SPEF2: variants seen among roughly 807,000 people sequenced by gnomAD.
The protein encoded by SPEF2 is sperm flagella and cilia-associated protein 2.
A neutral mutation model predicts 224.6 loss-of-function variants in SPEF2; 187 were observed. The ratio of observed to expected loss-of-function variants is 0.83; its 90% confidence interval spans 0.74 to 0.94. SPEF2 has a LOEUF of 0.94. SPEF2 is among the 40% of genes least tolerant of loss of function. The pLI is 0.00. For synonymous variants in SPEF2, 715 were observed against 707.3 expected (o/e 1.01, Z -0.17); for missense variants, 2,170 against 2,135.6 (o/e 1.02, Z -0.32).
intron 10 of SPEF2, among the ~76,000 whole-genome samples, chr5:35,681,199 C>T (rs1197390656): frequency 1.3e-5 from 2 of 152,172 alleles, no homozygotes; most frequent in East Asian, 3.9e-4. Flanking sequence ...TAGAGATTCA[C>T]ATTATAAAAA....
intron 10 of SPEF2, among the ~76,000 whole-genome samples, chr5:35,673,358 C>T (rs1399139813): frequency 6.6e-6 from 1 of 152,186 alleles, no homozygotes; most frequent in African/African-American, 2.4e-5. Context: ...GTCTTACTAG[C>T]AAATGAGTTG....
chr5:35,738,346 G>A (rs868643324), intron 21 of SPEF2, among the ~76,000 whole-genome samples: 1 of 151,656 alleles, frequency 6.6e-6, no homozygotes, highest in African/African-American at 2.4e-5. Context: ...TATGGTTTTA[G>A]GTCTAACATT....
chr5:35,719,450 C>G (rs1052995793), intron 20 of SPEF2, among the ~76,000 whole-genome samples: 5 of 152,040 alleles, frequency 3.3e-5, no homozygotes, highest in Non-Finnish European at 5.9e-5. Context: ...CTGTGTAGGC[C>G]TTTTGGATTG....
intron 3 of SPEF2, among the ~76,000 whole-genome samples, chr5:35,643,268 G>A (rs896711472): frequency 1.3e-5 from 2 of 152,048 alleles, no homozygotes; most frequent in African/African-American, 4.8e-5. Context: ...CCTACTTTTT[G>A]TCAAGCACTT....
chr5:35,667,037 T>C, intron 8 of SPEF2, 35 bp from the exon 9 acceptor site: 2 of 1,555,292 alleles, frequency 1.3e-6, no homozygotes, highest in Non-Finnish European at 1.7e-6. Context: ...TTGATTCAAT[T>C]ATAGTGACTT....
At chr5:35,722,634 C>G (rs11958166) in intron 20 of SPEF2, among the ~76,000 whole-genome samples, 1 of 94,330 alleles carries the variant, frequency 1.1e-5, no homozygotes, top group African/African-American at 4.2e-5. Context: ...ATCCCTCCCC[C>G]CTCCCCCCAC....
intron 23 of SPEF2, among the ~76,000 whole-genome samples, chr5:35,748,166 G>A (rs570683594): frequency 2.0e-5 from 3 of 151,950 alleles, no homozygotes; most frequent in East Asian, 1.9e-4. Context: ...CCAAAACCTC[G>A]GATACAGCAA....
chr5:35,622,229 A>T (rs1460150123), intron 1 of SPEF2, among the ~76,000 whole-genome samples: 2 of 151,974 alleles, frequency 1.3e-5, no homozygotes, highest in East Asian at 3.9e-4. Flanking sequence ...TTGTTTTTGG[A>T]GAGTGATATT....
chr5:35,732,804 A>G (rs1745851104), intron 21 of SPEF2, among the ~76,000 whole-genome samples: 1 of 152,298 alleles, frequency 6.6e-6, no homozygotes, highest in East Asian at 1.9e-4. Context: ...TCACTTTATG[A>G]TTTCAATTAC....
chr5:35,685,233 A>G (rs1057277300), intron 10 of SPEF2, among the ~76,000 whole-genome samples: 10 of 152,146 alleles, frequency 6.6e-5, no homozygotes, highest in Non-Finnish European at 1.5e-4. Flanking sequence ...GTATAACTAC[A>G]TTACACCAAT....
Position 35,788,234 on chromosome 5 carries a change from G to A in SPEF2, c.4448-4106G>A, listed in dbSNP as rs764958669. The stretch of plus-strand genomic sequence containing the variant: ...GAGGACCATGAGCAAAGTAACCCTC[G>A]GGAGAGTAGAGAACTTATTCAGATC... On this transcript the variant is annotated intron_variant, in intron 30 of 36. Transcript: ENST00000356031. 75 of 702,762 alleles carry A rather than the reference G, an allele frequency of 1.1e-4. 1 individual carries two copies. Among genetic ancestry groups the A allele is most frequent in the South Asian group, 8.3e-4 (56 of 67,582 alleles). The allele number at this position is 702,762 out of a possible 1,614,324, so 43.5% of individuals were successfully genotyped here.
chr5:35,712,919 T>C (rs768695977), intron 20 of SPEF2, 33 bp downstream of exon 20: 20 of 1,573,310 alleles, frequency 1.3e-5, no homozygotes, highest in Non-Finnish European at 1.7e-5. Context: ...TAATTACATG[T>C]AATTCTGCAT....
intron 20 of SPEF2, among the ~76,000 whole-genome samples, chr5:35,727,282 A>C (rs1229343593): frequency 1.3e-5 from 2 of 152,118 alleles, no homozygotes; most frequent in African/African-American, 4.8e-5. Flanking sequence ...TACCAAGAGC[A>C]CCACTCATGT....
At chr5:35,808,261 T>A (rs80323884) in intron 36 of SPEF2, 32 of 683,322 alleles carry the variant, frequency 4.7e-5, no homozygotes, top group African/African-American at 9.7e-5. Context: ...TCTTTTTTTT[T>A]AATTATACTT....
intron 8 of SPEF2, among the ~76,000 whole-genome samples, chr5:35,665,489 C>T (rs776544608): frequency 5.3e-5 from 8 of 151,958 alleles, no homozygotes; most frequent in African/African-American, 1.4e-4. Flanking sequence ...GAGGGAGATG[C>T]GGAGACAGGC....
At chr5:35,803,115 TGAA>T (rs1297175902) in intron 34 of SPEF2, among the ~76,000 whole-genome samples, 2 of 151,552 alleles carry the variant, frequency 1.3e-5, no homozygotes, top group African/African-American at 4.9e-5. Context: ...AGGAAAGAAG[TGAA>T]GAAGGAAGAG....
intron 21 of SPEF2, among the ~76,000 whole-genome samples, chr5:35,738,297 G>T (rs1400414123): frequency 1.3e-5 from 2 of 151,964 alleles, no homozygotes; most frequent in Admixed American, 1.3e-4. Flanking sequence ...CCATGCCTGT[G>T]TCCTGAATGG....
rs751168386 is a variant in SPEF2, at chr5:35,700,635, T to C, written c.2281T>C (p.Leu761=). 2 of 1,613,866 alleles carry C rather than the reference T, an allele frequency of 1.2e-6. No homozygotes were observed. The highest frequency in any genetic ancestry group is 1.7e-5 in the Admixed American group (1 of 59,976). Residue 761 remains leucine (L), a synonymous_variant, in exon 16 of 37, where the codon TTG becomes CTG. Transcript: ENST00000356031. ...AAGAAAAAAAGCACAAAAATCCACA[T>C]TGGCTATTGATCCTGCGACTTCCAA... ...VERKKAQKST[L]AIDPATSKEI... is the part of the protein sequence containing the mutation.
At chr5:35,711,970 AT>A (rs922350668) in intron 19 of SPEF2, among the ~76,000 whole-genome samples, 5 of 152,126 alleles carry the variant, frequency 3.3e-5, no homozygotes, top group Non-Finnish European at 4.4e-5. Context: ...GATGTAGTGA[AT>A]TTTTTTTAAA....
Sources: allele counts gnomAD v4.1 joint callset (sites outside exome capture counted in the v4.1 genomes callset), GRCh38; gene constraint gnomAD v4.1.1; transcripts MANE v1.5; gene names NCBI Gene and HGNC (gene_info 2026-07-23, HGNC 2026-07-21).